The following SNX31 variants were observed in gnomAD, a reference collection of about 807,000 sequenced individuals.
SNX31 encodes the protein sorting nexin 31.
In SNX31, 58 loss-of-function variants were observed where a neutral mutation model predicts 65.4. That is an observed-to-expected ratio of 0.89 (90% confidence interval 0.72 to 1.10). The LOEUF is 1.10. Ranked by LOEUF, SNX31 falls within the 50% of genes least tolerant of loss-of-function variation. SNX31 has a pLI of 0.00. For synonymous variants in SNX31, 181 were observed against 190.1 expected (o/e 0.95, Z 0.39); for missense variants, 523 against 529.7 (o/e 0.99, Z 0.12).
intron 2 of SNX31, among the ~76,000 whole-genome samples, chr8:100,638,013 A>G (rs1379056876): frequency 1.3e-5 from 2 of 152,108 alleles, no homozygotes; most frequent in East Asian, 3.9e-4. Context: ...ATACTTTAAA[A>G]ATGTAAGTCA....
intron 2 of SNX31, among the ~76,000 whole-genome samples, chr8:100,638,982 T>C (rs1392870550): frequency 6.6e-6 from 1 of 152,248 alleles, no homozygotes; most frequent in Non-Finnish European, 1.5e-5. Context: ...TTCAATTATA[T>C]GACTTTCTGG....
In SNX31 at chr8:100,649,362, GAC is replaced by G; in HGVS notation, c.67-16_67-15del. ...CACGGAGTACAGCTGCAAACACACAGACACCCCGTCCCTGGTGAGCCGAGGGA... is the reference window on the plus strand; with the variant it reads ...CACGGAGTACAGCTGCAAACACACAGACCCCGTCCCTGGTGAGCCGAGGGA... On this transcript the variant is annotated splice_polypyrimidine_tract_variant and intron_variant, in intron 1 of 13. Transcript: ENST00000311812. 1 of 1,613,470 alleles carries G rather than the reference GAC, an allele frequency of 6.2e-7. No homozygotes were observed. The highest frequency in any genetic ancestry group is 8.5e-7 in the Non-Finnish European group (1 of 1,179,520).
At chr8:100,579,656 G>A (rs558111497) in intron 12 of SNX31, among the ~76,000 whole-genome samples, 1 of 152,210 alleles carries the variant, frequency 6.6e-6, no homozygotes, top group South Asian at 2.1e-4. Context: ...CTTTTAAATA[G>A]TTTCACCTTG....
chr8:100,584,040 A>G, intron 12 of SNX31, 71 bp downstream of exon 12: 1 of 1,385,080 alleles, frequency 7.2e-7, no homozygotes, highest in Admixed American at 1.9e-5. Context: ...TCATGAGTGT[A>G]GTTTGGTCTC....
rs1307637505 is a variant in SNX31 at position 100,575,666 on chromosome 8, TG to T, written c.1227+1352del. On this transcript the variant is annotated intron_variant, in intron 13 of 13. Coordinates refer to ENST00000311812, the MANE Select transcript of SNX31 (RefSeq NM_152628.4). This position sits in a 1 kb window ranked among gnomAD's most constrained non-coding sequence, Gnocchi z 5.1. ...CCCAGAGCTGCTGATCCAGTAGGTT[TG>T]GGGCCTGAGAATTTGAATTTCTAAT... Among the ~76,000 whole-genome samples the T allele has an allele frequency of 2.0e-5, 3 of 152,178 alleles. No individual in the cohort carries two copies. Among genetic ancestry groups the T allele is most frequent in the African/African-American group, 4.8e-5 (2 of 41,442 alleles).
chr8:100,639,616 T>C (rs531362872), intron 2 of SNX31, among the ~76,000 whole-genome samples: 103 of 43,420 alleles, frequency 2.4e-3, no homozygotes, highest in African/African-American at 0.01. Flanking sequence ...ACATGTTTAG[T>C]TTAATATAGA....
rs544256619 is a variant in SNX31, at chr8:100,591,310, A to G, written c.979-2331T>C. On this transcript the variant is annotated intron_variant, in intron 10 of 13. Transcript: ENST00000311812. ...AATGGCAGCTAAGGCACAAAGGGCT[A>G]AATTAGCCCTAGACTAAAGATTACT... is the stretch of plus-strand genomic sequence containing the variant. Among the ~76,000 whole-genome samples, 6 of 152,224 alleles carry G rather than the reference A, an allele frequency of 3.9e-5. No homozygotes were observed. In the East Asian group the frequency reaches 1.2e-3, roughly 29 times the overall value.
intron 11 of SNX31, among the ~76,000 whole-genome samples, chr8:100,584,650 T>A (rs1425021641): frequency 2.0e-5 from 3 of 152,086 alleles, no homozygotes; most frequent in African/African-American, 7.2e-5. Flanking sequence ...ACTGGTTTGT[T>A]TGAAGGAATA....
rs550873588 is a variant in SNX31, at chr8:100,647,088, G to T, written c.141+2186C>A. Among the ~76,000 whole-genome samples, 3 of 152,212 alleles carry T rather than the reference G, an allele frequency of 2.0e-5. No individual in the cohort carries two copies. In the East Asian group the frequency reaches 5.8e-4, roughly 29 times the overall value. On this transcript the variant is annotated intron_variant, in intron 2 of 13. Coordinates refer to ENST00000311812, the MANE Select transcript of SNX31 (RefSeq NM_152628.4). ...CAGCACACAGTAACTACTTGTTATT[G>T]TTTCAGATTGATTATAAATACCAAT...
At chr8:100,653,072 G>A (rs1016648502), upstream of SNX31, among the ~76,000 whole-genome samples, 1 of 152,194 alleles carries the variant, frequency 6.6e-6, no homozygotes, top group Non-Finnish European at 1.5e-5. Flanking sequence ...CGCATCCTGT[G>A]TATTTTTCTT....
intron 10 of SNX31, among the ~76,000 whole-genome samples, chr8:100,591,916 A>G (rs1814623511): frequency 6.6e-6 from 1 of 152,226 alleles, no homozygotes; most frequent in Admixed American, 6.5e-5. Context: ...GGAATTCAAT[A>G]AAATGCGACA....
chr8:100,649,175 C>A, intron 2 of SNX31, 99 bp downstream of exon 2: 2 of 1,188,702 alleles, frequency 1.7e-6, no homozygotes, highest in Non-Finnish European at 1.2e-6. Context: ...CCGTGAAAGG[C>A]CCAGTGTCTT....
rs1395088416 is a variant in SNX31 at position 100,612,449 on chromosome 8, T to A, written c.524-362A>T. Among the ~76,000 whole-genome samples the A allele has an allele frequency of 6.6e-6, 1 of 151,424 alleles. No homozygotes were observed. Among genetic ancestry groups the A allele is most frequent in the African/African-American group, 2.4e-5 (1 of 41,098 alleles). On this transcript the variant is annotated intron_variant, in intron 6 of 13. Transcript: ENST00000311812. The surrounding 1 kb of genome is among the most constrained non-coding windows in gnomAD (Gnocchi z 4.3). ...ACCTCCCCTGGCTTCTTGAGGACAT[T>A]TATAAACTACTTTAATATAACTGAT... is the stretch of plus-strand genomic sequence containing the variant.
intron 4 of SNX31, among the ~76,000 whole-genome samples, chr8:100,620,893 A>G (rs1465052640): frequency 6.6e-6 from 1 of 152,140 alleles, no homozygotes; most frequent in African/African-American, 2.4e-5. Context: ...TGAGGTCGGC[A>G]GATCACCTGA....
At chr8:100,619,129 C>T (rs1022560454) in intron 4 of SNX31, 4 of 152,204 alleles carry the variant, frequency 2.6e-5, no homozygotes, top group South Asian at 2.1e-4. Flanking sequence ...AGAATCATCT[C>T]ATCAGCATAA....
chr8:100,631,437 C>CTT (rs10652417), intron 3 of SNX31, among the ~76,000 whole-genome samples: 16,300 of 129,486 alleles, frequency 0.13, 1,301 homozygotes, highest in South Asian at 0.23. Flanking sequence ...TGCTGTTTTA[C>CTT]TTTTTTTTTT....
rs751889989 is a variant in SNX31 at position 100,610,586 on chromosome 8, G to A, written c.611+1414C>T. ...TTTACGCAGCTAAGACCTGAGCAAGGCGCAACTTAGATTCACATACTGTAA... is the reference window on the plus strand; with the variant it reads ...TTTACGCAGCTAAGACCTGAGCAAGACGCAACTTAGATTCACATACTGTAA... On this transcript the variant is annotated intron_variant, in intron 7 of 13. Coordinates refer to ENST00000311812, the MANE Select transcript of SNX31 (RefSeq NM_152628.4). This position sits in a 1 kb window ranked among gnomAD's most constrained non-coding sequence, Gnocchi z 4.0. Among the ~76,000 whole-genome samples the A allele has an allele frequency of 1.6e-4, 25 of 152,166 alleles. No homozygotes were observed. The highest frequency in any genetic ancestry group is 3.4e-4 in the Non-Finnish European group (23 of 68,030).
At chr8:100,653,278 G>A (rs1820005382), upstream of SNX31, among the ~76,000 whole-genome samples, 1 of 152,156 alleles carries the variant, frequency 6.6e-6, no homozygotes, top group Non-Finnish European at 1.5e-5. Context: ...CACACCAGTG[G>A]TTCTAAAATG....
chr8:100,588,268 A>G lies in SNX31; in HGVS notation c.1092+598T>C, dbSNP rs1294342922. On this transcript the variant is annotated intron_variant, in intron 11 of 13. Coordinates refer to ENST00000311812, the MANE Select transcript of SNX31 (RefSeq NM_152628.4). This position sits in a 1 kb window ranked among gnomAD's most constrained non-coding sequence, Gnocchi z 4.8. ...GATTTAAAAAAATCTGCAATTGGAA[A>G]CAATTCTGGTGCTAAGCATTTGGGA... 2.6e-5 allele frequency among the ~76,000 whole-genome samples: 4 copies of G among 152,220 alleles called. No individual in the cohort carries two copies. Among genetic ancestry groups the G allele is most frequent in the African/African-American group, 9.6e-5 (4 of 41,454 alleles).
Sources: gnomAD v4.1 joint callset for allele counts (sites outside exome capture counted in the v4.1 genomes callset) on GRCh38, gnomAD v4.1.1 for gene constraint, Gnocchi (gnomAD v3.1) non-coding constraint, MANE v1.5 for transcripts, NCBI Gene and HGNC (gene_info 2026-07-23, HGNC 2026-07-21) for gene names.